The following IRGQ variants were observed in gnomAD, a reference collection of about 807,000 sequenced individuals.
IRGQ encodes the protein immunity related GTPase Q.
Under a neutral mutation model 10.5 loss-of-function variants are expected in IRGQ, and 5 were observed. The observed-to-expected ratio is 0.48, with a 90% CI of 0.25 to 1.00. The LOEUF is 1.00. IRGQ is among the 50% of genes least tolerant of loss of function. The pLI, the probability that IRGQ is intolerant of heterozygous loss-of-function variation, is 0.16. For missense variants in IRGQ, 792 were observed against 877.7 expected (o/e 0.90, Z 1.23); for synonymous variants, 418 against 426.0 (o/e 0.98, Z 0.23).
In IRGQ at chr19:43,590,025, T is replaced by G. The variant is rs890927074; in HGVS notation, c.*2001A>C. 6.6e-6 allele frequency: 1 copy of G among 152,264 alleles called. No homozygotes were observed. Among genetic ancestry groups the G allele is most frequent in the African/African-American group, 2.4e-5 (1 of 41,450 alleles). The allele number at this position is 152,264 out of a possible 1,614,324, so 9.4% of individuals were successfully genotyped here. A position where few individuals can be genotyped will look rare whatever the true frequency, so the allele number is the denominator to read the frequency against. On this transcript the variant is annotated 3_prime_UTR_variant, in exon 3 of 3. Transcript: ENST00000422989. Reference sequence around the variant, plus strand: ...CTGTAATCCCAGCACTTTGGGAGTCTGAGTCGGGTGGATCACCTGAGGTCA... The same window carrying G: ...CTGTAATCCCAGCACTTTGGGAGTCGGAGTCGGGTGGATCACCTGAGGTCA...
In IRGQ at chr19:43,595,283, C is replaced by T. The variant is rs1331013267; in HGVS notation, c.56G>A (p.Gly19Glu). The T allele has an allele frequency of 6.3e-7, 1 of 1,597,276 alleles. No individual in the cohort carries two copies. Among genetic ancestry groups the T allele is most frequent in the East Asian group, 2.2e-5 (1 of 44,570 alleles). Reference sequence around the variant, plus strand: ...CAGCGCTGCGATCAGCGCGGACTTCCCCAAGCCCGGAGGCCCCAGGAACAA... The same window carrying T: ...CAGCGCTGCGATCAGCGCGGACTTCTCCAAGCCCGGAGGCCCCAGGAACAA... ...TALFLGPPGL[G>E]KSALIAALCD... is the part of the protein sequence containing the mutation. The change falls in exon 2 of 3, where the codon GGG becomes GAG. Residue 19 changes from glycine (G) to glutamate (E), a missense_variant. Physicochemically the swap from Gly to Glu is moderately conservative, Grantham distance 98 (BLOSUM62 -2). Transcript: ENST00000422989.
rs1973013858 is a variant in IRGQ, at chr19:43,588,021, G to A, written c.*4005C>T. 1 of 152,106 alleles carries A rather than the reference G, an allele frequency of 6.6e-6. No individual in the cohort carries two copies. 9.4% of individuals were successfully genotyped at this position (152,106 alleles called of 1,614,324 possible). The stretch of plus-strand genomic sequence containing the variant: ...CTGTTTCCTTTTACTTGTCTAATGT[G>A]GCTATTAGAAAACTTGGCTTACTCA... On this transcript the variant is annotated 3_prime_UTR_variant, in exon 3 of 3. Transcript: ENST00000422989.
chr19:43,594,524 C>G (rs1387955905), intron 2 of IRGQ, among the ~76,000 whole-genome samples: 1 of 151,860 alleles, frequency 6.6e-6, no homozygotes, highest in African/African-American at 2.4e-5. Context: ...GCCTGGGCGA[C>G]AGAGTGAGAA....
chr19:43,592,512 C>T lies in IRGQ; in HGVS notation c.1386G>A (p.Leu462=), dbSNP rs757332922. ...PAQAGALLLA[L]PPASPSAART... is the part of the protein sequence containing the mutation. ...GGGCAGCGCTGGGAGATGCTGGTGG[C>T]AACGCCAGCAGCAGTGCCCCTGCCT... The change falls in exon 3 of 3, where the codon TTG becomes TTA. Residue 462 remains leucine, a synonymous_variant. Coordinates refer to ENST00000422989, the MANE Select transcript of IRGQ (RefSeq NM_001007561.3). 28 of 1,595,384 alleles carry T rather than the reference C, an allele frequency of 1.8e-5. No homozygotes were observed. Among genetic ancestry groups the T allele is most frequent in the Non-Finnish European group, 2.1e-5 (25 of 1,178,364 alleles).
chr19:43,594,555 C>T (rs558882926), intron 2 of IRGQ, among the ~76,000 whole-genome samples: 1 of 151,714 alleles, frequency 6.6e-6, no homozygotes, highest in Non-Finnish European at 1.5e-5. Context: ...AAAAAAAGGC[C>T]GGGTGTGGTG....
rs961351184 is a variant in IRGQ at position 43,589,054 on chromosome 19, A to G, written c.*2972T>C. 4 of 152,194 alleles carry G rather than the reference A, an allele frequency of 2.6e-5. No individual in the cohort carries two copies. Among genetic ancestry groups the G allele is most frequent in the African/African-American group, 7.2e-5 (3 of 41,456 alleles). 9.4% of individuals were successfully genotyped at this position (152,194 alleles called of 1,614,324 possible). A position where few individuals can be genotyped will look rare whatever the true frequency, so the allele number is the denominator to read the frequency against. On this transcript the variant is annotated 3_prime_UTR_variant, in exon 3 of 3. Transcript: ENST00000422989. ...CCTTGGATCAGTTACCTTTGTCTTC[A>G]GCTTTTAAGGGAGACAGGATCTCAA...
At position 43,595,330 on chromosome 19, in the gene IRGQ, C is replaced by T; in HGVS notation, c.9G>A (p.Pro3=). 2 of 1,550,014 alleles carry T rather than the reference C, an allele frequency of 1.3e-6. No homozygotes were observed. The highest frequency in any genetic ancestry group is 1.7e-6 in the Non-Finnish European group (2 of 1,150,642). Residue 3 remains proline, a synonymous_variant, in exon 2 of 3, where the codon CCG becomes CCA. Transcript: ENST00000422989. ...ACAAGGCGGTCACGTCACCCTGCGG[C>T]GGAGGCATGGCTGGAAAGCAACGGG... is the stretch of plus-strand genomic sequence containing the variant. MP[P]PQGDVTALFL... is the part of the protein sequence containing the mutation.
Position 43,589,579 on chromosome 19 carries a change from AAATAATAAT to A in IRGQ, c.*2438_*2446del, listed in dbSNP as rs955278181. ...GCAACAGAGCAAGACCCTGTCTCTA[AAATAATAAT>A]AATAATAATAAATATTTACGAAGCA... On this transcript the variant is annotated 3_prime_UTR_variant, in exon 3 of 3. Transcript: ENST00000422989. 6.6e-6 allele frequency: 1 copy of A among 152,008 alleles called. No homozygotes were observed. The highest frequency in any genetic ancestry group is 6.6e-5 in the Admixed American group (1 of 15,250). 9.4% of individuals were successfully genotyped at this position (152,008 alleles called of 1,614,324 possible).
At position 43,593,352 on chromosome 19, in the gene IRGQ, C is replaced by T. The variant is rs775805946; in HGVS notation, c.546G>A (p.Ala182=). Reference sequence around the variant, plus strand: ...CACCCAACACCTCGAAGCCATCCTGCGCCGGTGGCAGGAGCCTGTGGGGAC... The same window carrying T: ...CACCCAACACCTCGAAGCCATCCTGTGCCGGTGGCAGGAGCCTGTGGGGAC... ...AEALRRLLPP[A]QDGFEVLGAA... Residue 182 remains alanine (A), a synonymous_variant, in exon 3 of 3, where the codon GCG becomes GCA. Transcript: ENST00000422989. The surrounding 1 kb of genome is among the most constrained non-coding windows in gnomAD (Gnocchi z 6.4). The T allele has an allele frequency of 7.3e-6, 11 of 1,514,350 alleles. No homozygotes were observed. Among genetic ancestry groups the T allele is most frequent in the East Asian group, 2.3e-5 (1 of 43,746 alleles). 93.8% of individuals were successfully genotyped at this position (1,514,350 alleles called of 1,614,324 possible). A position where few individuals can be genotyped will look rare whatever the true frequency, so the allele number is the denominator to read the frequency against.
At position 43,586,665 on chromosome 19, in the gene IRGQ, C is replaced by G. The variant is rs1972998061; in HGVS notation, c.*5361G>C. 2 of 152,168 alleles carry G rather than the reference C, an allele frequency of 1.3e-5. No individual in the cohort carries two copies. Among genetic ancestry groups the G allele is most frequent in the Admixed American group, 1.3e-4 (2 of 15,268 alleles). The allele number at this position is 152,168 out of a possible 1,614,324, so 9.4% of individuals were successfully genotyped here. A position where few individuals can be genotyped will look rare whatever the true frequency, so the allele number is the denominator to read the frequency against. ...AGGCATGGGGGTGAGACAAAGGCAC[C>G]CAGACTAGAGCCATCTTGGTGCTGC... On this transcript the variant is annotated 3_prime_UTR_variant, in exon 3 of 3. Transcript: ENST00000422989.
rs1471864893 is a variant in IRGQ at position 43,585,859 on chromosome 19, G to A, written c.*6167C>T. The A allele has an allele frequency of 2.6e-5, 4 of 152,168 alleles. No homozygotes were observed. Among genetic ancestry groups the A allele is most frequent in the Non-Finnish European group, 5.9e-5 (4 of 68,034 alleles). The allele number at this position is 152,168 out of a possible 1,614,324, so 9.4% of individuals were successfully genotyped here. A position where few individuals can be genotyped will look rare whatever the true frequency, so the allele number is the denominator to read the frequency against. ...ACCATCCCTCCTATCCCCAGACGCT[G>A]GAGTCTAGGTTTCCAGCCCAGTCAA... On this transcript the variant is annotated 3_prime_UTR_variant, in exon 3 of 3. Coordinates refer to ENST00000422989, the MANE Select transcript of IRGQ (RefSeq NM_001007561.3).
rs1301735028 is a variant in IRGQ, at chr19:43,585,837, A to T, written c.*6189T>A. On this transcript the variant is annotated 3_prime_UTR_variant, in exon 3 of 3. Coordinates refer to ENST00000422989, the MANE Select transcript of IRGQ (RefSeq NM_001007561.3). ...AGTTTTTCCCAGCGGATTCCCCACC[A>T]TCCCTCCTATCCCCAGACGCTGGAG... 6.6e-6 allele frequency: 1 copy of T among 152,146 alleles called. No individual in the cohort carries two copies. The highest frequency in any genetic ancestry group is 1.5e-5 in the Non-Finnish European group (1 of 68,018). 9.4% of individuals were successfully genotyped at this position (152,146 alleles called of 1,614,324 possible). A position where few individuals can be genotyped will look rare whatever the true frequency, so the allele number is the denominator to read the frequency against.
At chr19:43,594,710 C>T (rs990658956) in intron 2 of IRGQ, 99 bp downstream of exon 2, 3 of 993,842 alleles carry the variant, frequency 3.0e-6, no homozygotes, top group African/African-American at 3.3e-5. Context: ...CTAAGCCTTG[C>T]CCCAAACTCA....
intron 2 of IRGQ, among the ~76,000 whole-genome samples, 157 bp downstream of exon 2, chr19:43,594,652 A>G (rs1973105437): frequency 6.6e-6 from 1 of 152,102 alleles, no homozygotes; most frequent in African/African-American, 2.4e-5. Context: ...TAGCCAACAT[A>G]GCGAGACCCT....
At chr19:43,594,122 T>C (rs1209298915) in intron 2 of IRGQ, among the ~76,000 whole-genome samples, 1 of 152,128 alleles carries the variant, frequency 6.6e-6, no homozygotes, top group African/African-American at 2.4e-5. Flanking sequence ...CTTTAGGTGC[T>C]TGAAAACAAA....
In IRGQ at chr19:43,591,915, G is replaced by T. The variant is rs1973060421; in HGVS notation, c.*111C>A. 5.1e-6 allele frequency: 5 copies of T among 986,406 alleles called. No individual in the cohort carries two copies. The highest frequency in any genetic ancestry group is 5.0e-5 in the African/African-American group (3 of 60,268). The allele number at this position is 986,406 out of a possible 1,614,324, so 61.1% of individuals were successfully genotyped here. A position where few individuals can be genotyped will look rare whatever the true frequency, so the allele number is the denominator to read the frequency against. On this transcript the variant is annotated 3_prime_UTR_variant, in exon 3 of 3. Coordinates refer to ENST00000422989, the MANE Select transcript of IRGQ (RefSeq NM_001007561.3). ...CAGACTCTCTGAATCCAGGTGATAA[G>T]AAGTCACACATCCCAGCTGGAAGTC...
Position 43,592,243 on chromosome 19 carries a change from G to C in IRGQ, c.1655C>G (p.Thr552Arg). The change falls in exon 3 of 3, where the codon ACG becomes AGG. Residue 552 changes from threonine to arginine, a missense_variant. By Grantham distance (71) the Thr-to-Arg change is moderately conservative. Coordinates refer to ENST00000422989, the MANE Select transcript of IRGQ (RefSeq NM_001007561.3). Reference sequence around the variant, plus strand: ...CAGTCTTGCTTCCACCTCGGCGCGCGTCACCGGGCCTGGGAAATGAGCGCG... The same window carrying C: ...CAGTCTTGCTTCCACCTCGGCGCGCCTCACCGGGCCTGGGAAATGAGCGCG... ...AARAHFPGPV[T>R]RAEVEARLGA... The C allele has an allele frequency of 6.3e-7, 1 of 1,579,724 alleles. No individual in the cohort carries two copies. The highest frequency in any genetic ancestry group is 8.5e-7 in the Non-Finnish European group (1 of 1,170,720).
intron 2 of IRGQ, among the ~76,000 whole-genome samples, chr19:43,594,140 G>A (rs1973096751): frequency 6.6e-6 from 1 of 152,140 alleles, no homozygotes; most frequent in Admixed American, 6.5e-5. Flanking sequence ...AAAACTGATG[G>A]TGGGGAGGGC....
rs752280093 is a variant in IRGQ, at chr19:43,592,775, C to A, written c.1123G>T (p.Ala375Ser). 1.2e-6 allele frequency: 2 copies of A among 1,613,706 alleles called. No homozygotes were observed. The highest frequency in any genetic ancestry group is 1.7e-5 in the Admixed American group (1 of 60,036). ...ALSKGREKCSAGSQKAGSGEG... is the reference protein window; with the variant it reads ...ALSKGREKCSSGSQKAGSGEG... Reference sequence around the variant, plus strand: ...CCGCTGCCTGCTTTCTGCGATCCAGCGCTACATTTCTCCCTTCCCTTACTG... The same window carrying A: ...CCGCTGCCTGCTTTCTGCGATCCAGAGCTACATTTCTCCCTTCCCTTACTG... Residue 375 changes from alanine (A) to serine (S), a missense_variant, in exon 3 of 3, where the codon GCT becomes TCT. Coordinates refer to ENST00000422989, the MANE Select transcript of IRGQ (RefSeq NM_001007561.3).
Sources: gnomAD v4.1 joint callset for allele counts (sites outside exome capture counted in the v4.1 genomes callset) on GRCh38, gnomAD v4.1.1 for gene constraint, Gnocchi (gnomAD v3.1) non-coding constraint, MANE v1.5 for transcripts, NCBI Gene and HGNC (gene_info 2026-07-23, HGNC 2026-07-21) for gene names.